The following CDC14A variants were observed in gnomAD, a reference collection of about 807,000 sequenced individuals.
CDC14A encodes the protein dual specificity protein phosphatase CDC14A.
In CDC14A, 53 loss-of-function variants were observed where a neutral mutation model predicts 74.4. The observed-to-expected ratio is 0.71, with a 90% CI of 0.57 to 0.89. The LOEUF is 0.89. Among genes scored for constraint, CDC14A ranks in the 40% least tolerant of loss-of-function variants. The probability of loss-of-function intolerance (pLI) is 0.00; values close to 1 mark genes in which losing one functional copy is unlikely to be tolerated. For synonymous variants in CDC14A, 247 were observed against 258.4 expected (o/e 0.96, Z 0.43); for missense variants, 646 against 713.7 (o/e 0.91, Z 1.08).
intron 2 of CDC14A, among the ~76,000 whole-genome samples, chr1:100,369,832 T>G (rs1254454377): frequency 6.6e-6 from 1 of 151,480 alleles, no homozygotes; most frequent in East Asian, 1.9e-4. Flanking sequence ...TCTAAAAATT[T>G]TTTTTTTTTT....
chr1:100,507,865 A>G lies in CDC14A; in HGVS notation c.1755+8603A>G, dbSNP rs1649377190. ...TGGCTAATTTTTGTATTTTTAGTAG[A>G]GATGGGGTTTTGCCATGTTGGCCAG... is the stretch of plus-strand genomic sequence containing the variant. On this transcript the variant is annotated intron_variant, in intron 15 of 15. Coordinates refer to ENST00000336454, the MANE Select transcript of CDC14A (RefSeq NM_003672.4). Among the ~76,000 whole-genome samples the G allele has an allele frequency of 3.9e-5, 6 of 152,038 alleles. No individual in the cohort carries two copies. In the South Asian group the frequency reaches 1.2e-3, roughly 32 times the overall value.
intron 8 of CDC14A, among the ~76,000 whole-genome samples, chr1:100,457,791 G>A (rs7536694): frequency 0.12 from 18,477 of 151,834 alleles, 3,331 homozygotes; most frequent in African/African-American, 0.39. Flanking sequence ...TGAGATCTAA[G>A]TTGTTTATCT....
intron 2 of CDC14A, among the ~76,000 whole-genome samples, chr1:100,362,143 G>A (rs1035012621): frequency 1.8e-4 from 27 of 152,218 alleles, no homozygotes; most frequent in Admixed American, 1.3e-3. Flanking sequence ...TCATTATAAT[G>A]GAGTCTTTGT....
intron 7 of CDC14A, among the ~76,000 whole-genome samples, chr1:100,454,483 A>C (rs574153127): frequency 6.6e-6 from 1 of 152,256 alleles, no homozygotes; most frequent in East Asian, 1.9e-4. Flanking sequence ...CTCGTGCCCC[A>C]GTGTCCCATG....
chr1:100,482,382 A>G (rs1669572615), intron 10 of CDC14A, among the ~76,000 whole-genome samples: 1 of 152,140 alleles, frequency 6.6e-6, no homozygotes, highest in Admixed American at 6.5e-5. Context: ...GTTCATAAAC[A>G]TGCTGTTTTC....
At chr1:100,378,708 G>A (rs752703905) in intron 3 of CDC14A, among the ~76,000 whole-genome samples, 2 of 151,896 alleles carry the variant, frequency 1.3e-5, no homozygotes, top group African/African-American at 2.4e-5. Flanking sequence ...AAGCAATTGT[G>A]GTTTTTATAA....
chr1:100,485,431 T>C (rs3897716), intron 11 of CDC14A: 9,800 of 454,258 alleles, frequency 0.022, 901 homozygotes, highest in African/African-American at 0.19. Flanking sequence ...GGCAGCGTGA[T>C]GTGTGCCTGT....
rs1021374208 is a variant in CDC14A at position 100,519,713 on chromosome 1, C to T, written c.*1433C>T. The T allele has an allele frequency of 6.6e-6, 1 of 151,862 alleles. No homozygotes were observed. Among genetic ancestry groups the T allele is most frequent in the African/African-American group, 2.4e-5 (1 of 41,170 alleles). The allele number at this position is 151,862 out of a possible 1,614,324, so 9.4% of individuals were successfully genotyped here. The stretch of plus-strand genomic sequence containing the variant: ...AAATTAACCTTCAGTAACTGCAGTA[C>T]CAAAAATTACACTCAACTGATGAAA... On this transcript the variant is annotated 3_prime_UTR_variant, in exon 16 of 16. Coordinates refer to ENST00000336454, the MANE Select transcript of CDC14A (RefSeq NM_003672.4).
chr1:100,492,757 A>C (rs1384756158), intron 11 of CDC14A, among the ~76,000 whole-genome samples: 1 of 152,164 alleles, frequency 6.6e-6, no homozygotes, highest in Non-Finnish European at 1.5e-5. Flanking sequence ...CAAAATTTCA[A>C]CACAGCAAAA....
chr1:100,359,440 T>A (rs937654920), intron 2 of CDC14A, among the ~76,000 whole-genome samples: 2 of 152,116 alleles, frequency 1.3e-5, no homozygotes, highest in African/African-American at 4.8e-5. Context: ...GGGGAGGGTA[T>A]GGGACAACTT....
At chr1:100,373,210 T>C (rs756368254) in intron 2 of CDC14A, among the ~76,000 whole-genome samples, 2 of 149,754 alleles carry the variant, frequency 1.3e-5, no homozygotes, top group Non-Finnish European at 3.0e-5. Context: ...GGGTTATTAA[T>C]TGGCCTGATT....
chr1:100,407,080 C>T (rs1660046423), intron 4 of CDC14A, among the ~76,000 whole-genome samples: 2 of 152,010 alleles, frequency 1.3e-5, no homozygotes, highest in African/African-American at 2.4e-5. Flanking sequence ...GTACCAGTAC[C>T]ATGTTGTTTG....
chr1:100,453,617 AT>A (rs1397968004), intron 7 of CDC14A, among the ~76,000 whole-genome samples: 4 of 152,028 alleles, frequency 2.6e-5, no homozygotes, highest in Admixed American at 2.0e-4. Context: ...GGTTTCTTAG[AT>A]TTTACTTAGG....
At position 100,352,544 on chromosome 1, in the gene CDC14A, G is replaced by C; in HGVS notation, c.-411G>C. On this transcript the variant is annotated 5_prime_UTR_variant, in exon 1 of 16. Coordinates refer to ENST00000336454, the MANE Select transcript of CDC14A (RefSeq NM_003672.4). ...AGCCCGCGGGCACTGAAGTCCTCCC[G>C]GCTGCCGCTCGAGTAGCCACGGGCG... 2 of 1,038,952 alleles carry C rather than the reference G, an allele frequency of 1.9e-6. No homozygotes were observed. The highest frequency in any genetic ancestry group is 2.3e-6 in the Non-Finnish European group (2 of 864,782). 64.4% of individuals were successfully genotyped at this position (1,038,952 alleles called of 1,614,324 possible).
intron 4 of CDC14A, among the ~76,000 whole-genome samples, chr1:100,406,540 A>G (rs956959667): frequency 6.6e-6 from 1 of 152,048 alleles, no homozygotes; most frequent in Non-Finnish European, 1.5e-5. Context: ...TTAATCCATC[A>G]TTAGTTGATT....
At chr1:100,439,219 C>T (rs545123047) in intron 5 of CDC14A, among the ~76,000 whole-genome samples, 25 of 152,300 alleles carry the variant, frequency 1.6e-4, no homozygotes, top group African/African-American at 5.8e-4. Context: ...TCGTGGCTCC[C>T]AGTGGCTCAG....
At chr1:100,380,582 C>T (rs1655966263) in intron 3 of CDC14A, among the ~76,000 whole-genome samples, 1 of 152,228 alleles carries the variant, frequency 6.6e-6, no homozygotes, top group Admixed American at 6.5e-5. Flanking sequence ...CTGTCCCTCT[C>T]ACACTACTGG....
chr1:100,372,439 AG>A (rs1379006026), intron 2 of CDC14A, among the ~76,000 whole-genome samples: 7 of 152,372 alleles, frequency 4.6e-5, no homozygotes, highest in Admixed American at 2.0e-4. Context: ...TTATCAACTA[AG>A]TATGTGTAAC....
chr1:100,479,040 A>T (rs1272723695), intron 10 of CDC14A, among the ~76,000 whole-genome samples: 1 of 152,224 alleles, frequency 6.6e-6, no homozygotes, highest in Non-Finnish European at 1.5e-5. Context: ...TACTCTGTAA[A>T]TATCAACTTA....
Sources: gnomAD v4.1 joint callset for allele counts (sites outside exome capture counted in the v4.1 genomes callset) on GRCh38, gnomAD v4.1.1 for gene constraint, MANE v1.5 for transcripts, NCBI Gene and HGNC (gene_info 2026-07-23, HGNC 2026-07-21) for gene names.